ENTPD1: variants seen among roughly 807,000 people sequenced by gnomAD.
ENTPD1 encodes ATP diphosphohydrolase.
A neutral mutation model predicts 57.0 loss-of-function variants in ENTPD1; 33 were observed. That is an observed-to-expected ratio of 0.58 (90% CI 0.44 to 0.77). ENTPD1 has a LOEUF of 0.77. Among genes scored for constraint, ENTPD1 ranks in the 30% least tolerant of loss-of-function variants. The pLI is 0.00. For synonymous variants in ENTPD1, 202 were observed against 218.8 expected (o/e 0.92, Z 0.68); for missense variants, 501 against 603.4 (o/e 0.83, Z 1.78).
At chr10:95,705,499 T>C in the ENTPD1 span, among the ~76,000 whole-genome samples, 1 of 152,058 alleles carries the variant, frequency 6.6e-6, no homozygotes, top group Non-Finnish European at 1.5e-5. Context: ...TTTTTGTTGT[T>C]GTTGTTTTTT....
At chr10:95,760,012 T>C (rs780441841) in intron 1 of ENTPD1, among the ~76,000 whole-genome samples, 1 of 152,252 alleles carries the variant, frequency 6.6e-6, no homozygotes, top group Non-Finnish European at 1.5e-5. Flanking sequence ...CAAAGTGCCA[T>C]GACACAGTGG....
At chr10:95,732,674 G>A (rs1304275404) in intron 1 of ENTPD1, among the ~76,000 whole-genome samples, 1 of 152,122 alleles carries the variant, frequency 6.6e-6, no homozygotes, top group Non-Finnish European at 1.5e-5. Flanking sequence ...TTCCCTAAGT[G>A]TTGGTCAGTC....
chr10:95,849,949 C>A (rs1299742678), intron 7 of ENTPD1, among the ~76,000 whole-genome samples: 1 of 152,206 alleles, frequency 6.6e-6, no homozygotes, highest in Non-Finnish European at 1.5e-5. Context: ...AATGAACATA[C>A]CCTTGTGTCT....
At chr10:95,701,971 T>C in the ENTPD1 span, among the ~76,000 whole-genome samples, 1 of 151,868 alleles carries the variant, frequency 6.6e-6, no homozygotes, top group East Asian at 1.9e-4. Flanking sequence ...AAAAGAAATA[T>C]TTAAAATAAT....
intron 2 of ENTPD1, among the ~76,000 whole-genome samples, chr10:95,824,395 C>A (rs1171653278): frequency 6.6e-6 from 1 of 152,198 alleles, no homozygotes; most frequent in East Asian, 1.9e-4. Flanking sequence ...GCCATCCACC[C>A]AAATCACTGT....
At chr10:95,751,714 CAAA>C (rs57785453), upstream of ENTPD1, among the ~76,000 whole-genome samples, 2 of 123,936 alleles carry the variant, frequency 1.6e-5, no homozygotes, top group Non-Finnish European at 3.5e-5. Context: ...GACATCGTCT[CAAA>C]AAAAAAAAAA....
intron 1 of ENTPD1, among the ~76,000 whole-genome samples, chr10:95,765,137 T>C (rs978080133): frequency 7.9e-5 from 12 of 152,236 alleles, no homozygotes; most frequent in Admixed American, 7.9e-4. Flanking sequence ...CTGTGGGTTG[T>C]CTTTTCACTT....
chr10:95,849,870 G>A (rs1239110817), intron 7 of ENTPD1, among the ~76,000 whole-genome samples: 1 of 152,216 alleles, frequency 6.6e-6, no homozygotes, highest in East Asian at 1.9e-4. Flanking sequence ...CCTTGAAGAG[G>A]AAGGAGGGTG....
intron 7 of ENTPD1, among the ~76,000 whole-genome samples, chr10:95,853,313 A>G (rs2140921143): frequency 6.6e-6 from 1 of 152,340 alleles, no homozygotes; most frequent in East Asian, 1.9e-4. Flanking sequence ...GTTGTTTATC[A>G]GCTTAAGGAG....
upstream of ENTPD1, among the ~76,000 whole-genome samples, chr10:95,710,715 CT>C (rs977747655): frequency 6.6e-6 from 1 of 152,058 alleles, no homozygotes; most frequent in Non-Finnish European, 1.5e-5. Flanking sequence ...TACTCCTTTT[CT>C]TTTTTTCTTT....
chr10:95,842,356 C>A lies in ENTPD1; in HGVS notation c.275C>A (p.Ser92Ter). The change falls in exon 4 of 10, where the codon TCA (serine) becomes TAA (stop). Residue 92 changes from serine (S) to a stop codon, truncating the protein, a stop_gained. Coordinates refer to ENST00000371205, the MANE Select transcript of ENTPD1 (RefSeq NM_001776.6). LOFTEE classifies it high-confidence loss of function. ...EECRVKGPGI[S>*]KFVQKVNEIG... The stretch of plus-strand genomic sequence containing the variant: ...CATTTTTTCCTAGGTCCTGGAATCT[C>A]AAAATTTGTTCAGAAAGTAAATGAA... 1.9e-6 allele frequency: 3 copies of A among 1,613,676 alleles called. No homozygotes were observed. Among genetic ancestry groups the A allele is most frequent in the Non-Finnish European group, 2.5e-6 (3 of 1,179,800 alleles).
the ENTPD1 span, among the ~76,000 whole-genome samples, chr10:95,705,631 A>G: frequency 5.3e-5 from 8 of 152,246 alleles, 1 homozygote; most frequent in South Asian, 1.7e-3. Context: ...ACCTGGGATT[A>G]CAGGCGCCTG....
At chr10:95,725,954 G>C (rs1432146591) in intron 1 of ENTPD1, among the ~76,000 whole-genome samples, 1 of 152,172 alleles carries the variant, frequency 6.6e-6, no homozygotes, top group Non-Finnish European at 1.5e-5. Context: ...CCCACCTTGG[G>C]TTGAGCCTGC....
At chr10:95,756,346 G>A in intron 1 of ENTPD1, 91 bp downstream of exon 1, 1 of 1,398,742 alleles carries the variant, frequency 7.1e-7, no homozygotes, top group Non-Finnish European at 9.8e-7. Context: ...GTACTTGAAA[G>A]CTGGAGGCAA....
chr10:95,838,687 T>G (rs2098416160), intron 2 of ENTPD1, among the ~76,000 whole-genome samples: 1 of 152,194 alleles, frequency 6.6e-6, no homozygotes, highest in East Asian at 1.9e-4. Context: ...GTGTTCTGTA[T>G]CTTGATCTGG....
At position 95,869,697 on chromosome 10, in the gene ENTPD1, T is replaced by A. The variant is rs2098478389; in HGVS notation, c.*3314T>A. On this transcript the variant is annotated 3_prime_UTR_variant, in exon 10 of 10. Transcript: ENST00000371205. ...TAAAATTTTTTAAAATTACACTTCATTTTAATGTTGTATCAGTCAAGGTCC... is the reference window on the plus strand; with the variant it reads ...TAAAATTTTTTAAAATTACACTTCAATTTAATGTTGTATCAGTCAAGGTCC... The A allele has an allele frequency of 2.3e-5, 22 of 956,670 alleles. No homozygotes were observed. The highest frequency in any genetic ancestry group is 2.5e-5 in the Non-Finnish European group (20 of 803,816). 59.3% of individuals were successfully genotyped at this position (956,670 alleles called of 1,614,324 possible).
At chr10:95,746,659 C>A (rs768072876) in intron 1 of ENTPD1, among the ~76,000 whole-genome samples, 3 of 152,112 alleles carry the variant, frequency 2.0e-5, no homozygotes, top group African/African-American at 7.2e-5. Flanking sequence ...ATTTTTTGAA[C>A]GAGTGTGCAT....
In ENTPD1 at chr10:95,868,486, A is replaced by G. The variant is rs2098476788; in HGVS notation, c.*2103A>G. 1.0e-6 allele frequency: 1 copy of G among 985,298 alleles called. No homozygotes were observed. The highest frequency in any genetic ancestry group is 1.2e-6 in the Non-Finnish European group (1 of 829,944). 61.0% of individuals were successfully genotyped at this position (985,298 alleles called of 1,614,324 possible). On this transcript the variant is annotated 3_prime_UTR_variant, in exon 10 of 10. Transcript: ENST00000371205. Reference sequence around the variant, plus strand: ...TTAATGTTTGCTCACAGCATAGTAGATTGACATCAAATAGTGGCCGATGAT... The same window carrying G: ...TTAATGTTTGCTCACAGCATAGTAGGTTGACATCAAATAGTGGCCGATGAT...
chr10:95,713,752 A>G (rs1453098152), intron 1 of ENTPD1, among the ~76,000 whole-genome samples: 5 of 152,260 alleles, frequency 3.3e-5, no homozygotes, highest in Admixed American at 6.5e-5. Context: ...AAAGGTAGAC[A>G]GGATATCCAC....
Sources: gnomAD v4.1 joint callset for allele counts (sites outside exome capture counted in the v4.1 genomes callset) on GRCh38, gnomAD v4.1.1 for gene constraint, MANE v1.5 for transcripts, NCBI Gene and HGNC (gene_info 2026-07-23, HGNC 2026-07-21) for gene names.